Variants in TNKS observed in about 807,000 individuals in gnomAD.
TNKS encodes tankyrase.
Under a neutral mutation model 135.8 loss-of-function variants are expected in TNKS, and 72 were observed. The observed-to-expected ratio is 0.53, with a 90% CI of 0.44 to 0.64. The LOEUF is 0.64. TNKS is among the 30% of genes least tolerant of loss of function. The pLI, the probability that TNKS is intolerant of heterozygous loss-of-function variation, is 0.00. For missense variants in TNKS, 1,769 were observed against 1,674.0 expected (o/e 1.06, Z -0.99); for synonymous variants, 849 against 649.3 (o/e 1.31, Z -4.68).
chr8:9,744,278 T>G (rs1806123026), intron 17 of TNKS, among the ~76,000 whole-genome samples: 1 of 152,242 alleles, frequency 6.6e-6, no homozygotes, highest in African/African-American at 2.4e-5. Flanking sequence ...TAAATGGCAT[T>G]GATACTTATT....
Position 9,693,477 on chromosome 8 carries a change from C to T in TNKS, c.1108-11186C>T, listed in dbSNP as rs564259329. On this transcript the variant is annotated intron_variant, in intron 5 of 26. Coordinates refer to ENST00000310430, the MANE Select transcript of TNKS (RefSeq NM_003747.3). ...TTGGCTGGAGGGAAAAAATAATAAACGTTTATATTATAGTATTTTCTCTAC... is the reference window on the plus strand; with the variant it reads ...TTGGCTGGAGGGAAAAAATAATAAATGTTTATATTATAGTATTTTCTCTAC... Among the ~76,000 whole-genome samples, 34 of 152,000 alleles carry T rather than the reference C, an allele frequency of 2.2e-4. 1 individual carries two copies. The highest frequency in any genetic ancestry group is 2.1e-4 in the South Asian group (1 of 4,810).
At chr8:9,655,840 C>A (rs540158914) in intron 3 of TNKS, among the ~76,000 whole-genome samples, 1 of 152,026 alleles carries the variant, frequency 6.6e-6, no homozygotes, top group East Asian at 1.9e-4. Context: ...AAGCGCCTCT[C>A]GTCCTCCAAA....
At chr8:9,664,931 T>C (rs1419267336) in intron 3 of TNKS, among the ~76,000 whole-genome samples, 1 of 152,224 alleles carries the variant, frequency 6.6e-6, no homozygotes, top group Non-Finnish European at 1.5e-5. Context: ...ATTAGTCCAT[T>C]GTTGGGTAAC....
At chr8:9,585,064 A>G (rs1295090744) in intron 2 of TNKS, among the ~76,000 whole-genome samples, 2 of 152,178 alleles carry the variant, frequency 1.3e-5, no homozygotes, top group Admixed American at 6.5e-5. Flanking sequence ...AAATACCTGA[A>G]TAAAAAAAAA....
intron 3 of TNKS, among the ~76,000 whole-genome samples, chr8:9,632,341 C>T (rs183722896): frequency 6.6e-6 from 1 of 152,240 alleles, no homozygotes; most frequent in African/African-American, 2.4e-5. Context: ...TTAAAAAATA[C>T]TAAGATGAAT....
At chr8:9,575,966 TTTCTAACGG>T (rs987534681) in intron 1 of TNKS, among the ~76,000 whole-genome samples, 1 of 152,152 alleles carries the variant, frequency 6.6e-6, no homozygotes, top group Admixed American at 6.5e-5. Flanking sequence ...TCTGTTGAAT[TTTCTAACGG>T]TTGGGAGGAA....
Position 9,776,726 on chromosome 8 carries a change from A to G in TNKS, c.3974A>G (p.Gln1325Arg). The G allele has an allele frequency of 1.2e-6, 2 of 1,614,004 alleles. No homozygotes were observed. The highest frequency in any genetic ancestry group is 1.7e-6 in the Non-Finnish European group (2 of 1,179,896). The change falls in exon 27 of 27, where the codon CAG (glutamine) becomes CGG (arginine). Residue 1325 changes from glutamine (Q) to arginine (R), a missense_variant. By Grantham distance (43) the Gln-to-Arg change is conservative. Coordinates refer to ENST00000310430, the MANE Select transcript of TNKS (RefSeq NM_003747.3). ...TCCCAGACCGCAACAGCCGCAGAGC[A>G]GAAGACCTAGTGAATGCCTGCTGGT... Reference protein sequence around the residue: ...APSQTATAAEQKT With the variant: ...APSQTATAAERKT
At chr8:9,593,271 A>G (rs940273943) in intron 2 of TNKS, among the ~76,000 whole-genome samples, 2 of 152,210 alleles carry the variant, frequency 1.3e-5, no homozygotes, top group African/African-American at 2.4e-5. Context: ...TGTGAGGCAG[A>G]TGATTCAGAT....
chr8:9,574,423 T>G lies in TNKS; in HGVS notation c.674-5736T>G, dbSNP rs572204060. Among the ~76,000 whole-genome samples the G allele has an allele frequency of 4.6e-5, 7 of 152,342 alleles. No homozygotes were observed. The South Asian group carries it at 1.4e-3, about 32-fold the overall frequency. On this transcript the variant is annotated intron_variant, in intron 1 of 26. Transcript: ENST00000310430. ...TTGACCCAGCTGTACTTTCACTGTT[T>G]TTTTCCAACCCACTATCGGTTCTTG...
At chr8:9,680,861 C>CAG in intron 5 of TNKS, 61 bp downstream of exon 5, 1 of 1,236,592 alleles carries the variant, frequency 8.1e-7, no homozygotes, top group Non-Finnish European at 1.2e-6. Flanking sequence ...GTGAATGTGG[C>CAG]ATATATATAT....
At chr8:9,557,212 A>G (rs115044657) in intron 1 of TNKS, 3,461 of 152,818 alleles carry the variant, frequency 0.023, 74 homozygotes, top group African/African-American at 0.061. Flanking sequence ...GAAGAAATAT[A>G]GGCTTTGATG....
chr8:9,711,708 G>A (rs1804342607), intron 11 of TNKS, among the ~76,000 whole-genome samples: 1 of 152,132 alleles, frequency 6.6e-6, no homozygotes, highest in African/African-American at 2.4e-5. Flanking sequence ...GATCCTTAAA[G>A]GTAAAAGTTA....
intron 3 of TNKS, chr8:9,671,254 A>C (rs1397989211): frequency 2.0e-5 from 3 of 152,212 alleles, no homozygotes; most frequent in Non-Finnish European, 4.4e-5. Flanking sequence ...CTAGATATTT[A>C]CCCAAGAAAA....
At chr8:9,651,957 A>G (rs1482510021) in intron 3 of TNKS, among the ~76,000 whole-genome samples, 4 of 152,326 alleles carry the variant, frequency 2.6e-5, no homozygotes, top group African/African-American at 4.8e-5. Flanking sequence ...GTACATTTCT[A>G]TGGCATAAAA....
At chr8:9,744,850 C>G (rs1380146449) in intron 17 of TNKS, among the ~76,000 whole-genome samples, 1 of 152,174 alleles carries the variant, frequency 6.6e-6, no homozygotes, top group Non-Finnish European at 1.5e-5. Flanking sequence ...CAGAAAATTT[C>G]ACAAGCATGT....
intron 20 of TNKS, among the ~76,000 whole-genome samples, chr8:9,754,267 C>T (rs1480390402): frequency 1.3e-5 from 2 of 152,168 alleles, no homozygotes; most frequent in African/African-American, 2.4e-5. Context: ...CTTTTTAAGA[C>T]CTAGTCAACT....
At chr8:9,672,847 T>TA (rs1802360348) in intron 3 of TNKS, among the ~76,000 whole-genome samples, 1 of 152,022 alleles carries the variant, frequency 6.6e-6, no homozygotes, top group Admixed American at 6.6e-5. Context: ...CTGCCATGCT[T>TA]AGAGAGTTCC....
chr8:9,730,423 A>G (rs1158155454), intron 13 of TNKS, among the ~76,000 whole-genome samples: 7 of 152,202 alleles, frequency 4.6e-5, no homozygotes, highest in Non-Finnish European at 8.8e-5. Context: ...GGAGTGGCCC[A>G]GGCAGAAAAA....
At chr8:9,655,057 A>T (rs1038297101) in intron 3 of TNKS, among the ~76,000 whole-genome samples, 1 of 152,104 alleles carries the variant, frequency 6.6e-6, no homozygotes, top group African/African-American at 2.4e-5. Context: ...CTAAAACTGC[A>T]CTTTTCCAAC....
Sources: allele counts gnomAD v4.1 joint callset (sites outside exome capture counted in the v4.1 genomes callset), GRCh38; gene constraint gnomAD v4.1.1; transcripts MANE v1.5; gene names NCBI Gene and HGNC (gene_info 2026-07-23, HGNC 2026-07-21).